The following SLC22A16 variants were observed in gnomAD, a reference collection of about 807,000 sequenced individuals.
The protein encoded by SLC22A16 is solute carrier family 22 member 16, also known as WUGSC:RG331P03.1.
In SLC22A16, 53 loss-of-function variants were observed where a neutral mutation model predicts 52.9. That is an observed-to-expected ratio of 1.00 (90% CI 0.80 to 1.26). The LOEUF (loss-of-function observed/expected upper bound fraction) is 1.26, where lower values mean the gene tolerates loss of function less well. Ranked by LOEUF, SLC22A16 falls within the 50% of genes most tolerant of loss-of-function variation. The pLI is 0.00. For synonymous variants in SLC22A16, 291 were observed against 268.8 expected, an observed-to-expected ratio of 1.08 and a Z score of -0.81; for missense variants, 726 against 704.0, an observed-to-expected ratio of 1.03 and a Z score of -0.35.
chr6:110,442,882 C>T (rs1775033343), intron 3 of SLC22A16, 107 bp from the exon 4 acceptor site: 12 of 1,017,892 alleles, frequency 1.2e-5, no homozygotes, highest in Non-Finnish European at 1.7e-5. Flanking sequence ...ATGACAAAGA[C>T]TTGCTTTCTG....
At chr6:110,476,399 G>T in intron 1 of SLC22A16, 123 bp downstream of exon 1, 1 of 1,387,506 alleles carries the variant, frequency 7.2e-7, no homozygotes. Context: ...GACTGCGCGG[G>T]GTGAGGAGGA....
intron 2 of SLC22A16, among the ~76,000 whole-genome samples, chr6:110,448,317 A>C (rs1775253340): frequency 6.6e-6 from 1 of 152,294 alleles, no homozygotes; most frequent in African/African-American, 2.4e-5. Flanking sequence ...TGTTTATCCA[A>C]ATTCTTTGCC....
intron 1 of SLC22A16, 51 bp downstream of exon 1, chr6:110,476,471 G>A: frequency 6.8e-7 from 1 of 1,473,432 alleles, no homozygotes; most frequent in Non-Finnish European, 9.0e-7. Context: ...GAAAGAAACA[G>A]ACCCCTCGGC....
intron 7 of SLC22A16, among the ~76,000 whole-genome samples, chr6:110,430,250 A>G: frequency 6.6e-6 from 1 of 152,092 alleles, no homozygotes; most frequent in East Asian, 1.9e-4. Context: ...GTCATGCTTG[A>G]GGCCACTGAC....
intron 6 of SLC22A16, among the ~76,000 whole-genome samples, chr6:110,432,639 C>A (rs187660666): frequency 1.6e-4 from 25 of 152,350 alleles, no homozygotes; most frequent in African/African-American, 5.1e-4. Flanking sequence ...TTCCCTGGGT[C>A]AGCCACAACG....
In SLC22A16 at chr6:110,446,977, C is replaced by A; in HGVS notation, c.547G>T (p.Val183Leu). The A allele has an allele frequency of 1.9e-6, 3 of 1,613,372 alleles. No individual in the cohort carries two copies. The highest frequency in any genetic ancestry group is 2.5e-6 in the Non-Finnish European group (3 of 1,179,748). Residue 183 changes from valine to leucine, a missense_variant, in exon 3 of 8, where the codon GTG becomes TTG. Transcript: ENST00000368919. ...CTACTGCTTGTGGCCCACAAGACCACCCGGCGTCCTAGCCTGAAAAATAAG... is the reference window on the plus strand; with the variant it reads ...CTACTGCTTGTGGCCCACAAGACCAACCGGCGTCCTAGCCTGAAAAATAAG... ...GYFSDRLGRR[V>L]VLWATSSSMF...
intron 7 of SLC22A16, 24 bp downstream of exon 7, chr6:110,431,147 G>T: frequency 6.2e-7 from 1 of 1,600,972 alleles, no homozygotes. Context: ...CCCCCTTGGG[G>T]AGGGTCTGCA....
intron 1 of SLC22A16, among the ~76,000 whole-genome samples, chr6:110,466,438 A>C (rs963525111): frequency 1.8e-5 from 2 of 113,652 alleles, no homozygotes; most frequent in Non-Finnish European, 3.6e-5. Flanking sequence ...AAATTAATAC[A>C]AAAAAAAACC....
chr6:110,466,102 T>C (rs1173650540), intron 1 of SLC22A16, among the ~76,000 whole-genome samples: 1 of 152,172 alleles, frequency 6.6e-6, no homozygotes. Flanking sequence ...AGAATGAAAC[T>C]GGATCCCTAT....
chr6:110,470,011 G>T (rs1435309159), intron 1 of SLC22A16, among the ~76,000 whole-genome samples: 1 of 152,188 alleles, frequency 6.6e-6, no homozygotes, highest in East Asian at 1.9e-4. Context: ...TGATAAAAGT[G>T]TAGATACTCC....
At chr6:110,434,011 AG>A (rs1774614359) in intron 6 of SLC22A16, among the ~76,000 whole-genome samples, 1 of 152,080 alleles carries the variant, frequency 6.6e-6, no homozygotes, top group Non-Finnish European at 1.5e-5. Flanking sequence ...GAGGCCAAGG[AG>A]GGTGGATCAC....
At chr6:110,441,977 G>T (rs1051585947) in intron 4 of SLC22A16, among the ~76,000 whole-genome samples, 5 of 152,148 alleles carry the variant, frequency 3.3e-5, no homozygotes, top group Non-Finnish European at 5.9e-5. Context: ...TGACCTTGAT[G>T]GCAATCATGT....
chr6:110,450,935 A>G (rs1775354556), intron 2 of SLC22A16, among the ~76,000 whole-genome samples: 1 of 152,164 alleles, frequency 6.6e-6, no homozygotes, highest in Non-Finnish European at 1.5e-5. Flanking sequence ...TTTTGGTGAT[A>G]ATCTCTTGTT....
chr6:110,472,832 G>A (rs576527806), intron 1 of SLC22A16, among the ~76,000 whole-genome samples: 4 of 152,274 alleles, frequency 2.6e-5, no homozygotes, highest in Non-Finnish European at 5.9e-5. Flanking sequence ...ACCCAGAGGC[G>A]AGGAAAAGCA....
At chr6:110,473,301 G>T (rs1271277779) in intron 1 of SLC22A16, among the ~76,000 whole-genome samples, 1 of 151,904 alleles carries the variant, frequency 6.6e-6, no homozygotes, top group Admixed American at 6.6e-5. Flanking sequence ...CTTTTAAACC[G>T]TCTCTCCTCT....
intron 7 of SLC22A16, among the ~76,000 whole-genome samples, chr6:110,429,243 A>G (rs1774398655): frequency 6.6e-6 from 1 of 152,216 alleles, no homozygotes; most frequent in Admixed American, 6.5e-5. Context: ...CACCTCCCAC[A>G]CAGCCCACAT....
chr6:110,440,397 A>C (rs1054148116), intron 4 of SLC22A16: 1 of 152,496 alleles, frequency 6.6e-6, no homozygotes, highest in Admixed American at 6.5e-5. Flanking sequence ...GGTGTGAAGA[A>C]GGTGAGCAAG....
intron 6 of SLC22A16, among the ~76,000 whole-genome samples, chr6:110,434,365 A>G (rs1032663703): frequency 2.0e-5 from 3 of 152,134 alleles, no homozygotes; most frequent in African/African-American, 7.2e-5. Context: ...TTATCTGGAC[A>G]TGAGGGCTGC....
chr6:110,474,628 G>A (rs1776394662), intron 1 of SLC22A16, among the ~76,000 whole-genome samples: 1 of 152,232 alleles, frequency 6.6e-6, no homozygotes, highest in Admixed American at 6.5e-5. Flanking sequence ...ATGGTGGCCA[G>A]CTAAGAGCTG....
Sources: gnomAD v4.1 joint callset for allele counts (sites outside exome capture counted in the v4.1 genomes callset) on GRCh38, gnomAD v4.1.1 for gene constraint, MANE v1.5 for transcripts, NCBI Gene and HGNC (gene_info 2026-07-23, HGNC 2026-07-21) for gene names.